Variants in FSTL4 observed in about 807,000 individuals in gnomAD.
FSTL4 encodes the protein follistatin-related protein 4.
FSTL4 carries 28 observed loss-of-function variants against 78.2 expected under a neutral mutation model. That is an observed-to-expected ratio of 0.36 (90% CI 0.27 to 0.49). The LOEUF (loss-of-function observed/expected upper bound fraction) is 0.49. FSTL4 is among the 20% of genes least tolerant of loss of function. The pLI, the probability that FSTL4 is intolerant of heterozygous loss-of-function variation, is 0.98. For missense variants in FSTL4, 922 were observed against 1,084.9 expected (o/e 0.85, Z 2.11); for synonymous variants, 422 against 440.5 (o/e 0.96, Z 0.53).
chr5:133,814,574 A>G, the FSTL4 span, among the ~76,000 whole-genome samples: 1 of 152,170 alleles, frequency 6.6e-6, no homozygotes, highest in Non-Finnish European at 1.5e-5. Flanking sequence ...CTGGAGAGAA[A>G]AGGTTCAGAT....
chr5:133,675,145 AT>A, the FSTL4 span, among the ~76,000 whole-genome samples: 1 of 152,100 alleles, frequency 6.6e-6, no homozygotes, highest in Non-Finnish European at 1.5e-5. Flanking sequence ...AGAAAATGGC[AT>A]TTAAGTAGAG....
chr5:133,340,617 C>T (rs1308213635), intron 4 of FSTL4, among the ~76,000 whole-genome samples: 5 of 152,120 alleles, frequency 3.3e-5, no homozygotes, highest in African/African-American at 1.2e-4. Flanking sequence ...CAGGAGAAGG[C>T]AGGAAGGCCA....
chr5:133,590,602 C>T (rs953631760), intron 2 of FSTL4, among the ~76,000 whole-genome samples: 1 of 152,110 alleles, frequency 6.6e-6, no homozygotes, highest in African/African-American at 2.4e-5. Context: ...AACCTCAAAG[C>T]AGCTGCACTA....
chr5:133,468,622 C>T (rs1292294205), intron 3 of FSTL4, among the ~76,000 whole-genome samples: 1 of 152,338 alleles, frequency 6.6e-6, no homozygotes, highest in Middle Eastern at 3.4e-3. Flanking sequence ...AGCAGCACCA[C>T]CATTCAGGCC....
At chr5:133,367,138 A>C (rs1343206836) in intron 4 of FSTL4, among the ~76,000 whole-genome samples, 1 of 152,068 alleles carries the variant, frequency 6.6e-6, no homozygotes, top group Non-Finnish European at 1.5e-5. Flanking sequence ...TCAGCTGGGG[A>C]CTAGGAAAGG....
At chr5:133,537,963 G>A (rs540412956) in intron 3 of FSTL4, among the ~76,000 whole-genome samples, 5 of 151,918 alleles carry the variant, frequency 3.3e-5, no homozygotes, top group Admixed American at 2.6e-4. Context: ...ACAAGCTAAA[G>A]CCCCATGTGC....
At chr5:133,345,887 T>C (rs1754688204) in intron 4 of FSTL4, among the ~76,000 whole-genome samples, 1 of 152,212 alleles carries the variant, frequency 6.6e-6, no homozygotes, top group Non-Finnish European at 1.5e-5. Flanking sequence ...ATCCCATTAC[T>C]GGGTATATAC....
At chr5:133,436,672 C>A (rs940794212) in intron 3 of FSTL4, among the ~76,000 whole-genome samples, 11 of 152,076 alleles carry the variant, frequency 7.2e-5, no homozygotes, top group African/African-American at 2.7e-4. Flanking sequence ...CTGAAGTCAT[C>A]CACGGTAGTA....
rs1459970783 is a variant in FSTL4 at position 133,199,233 on chromosome 5, G to A, written c.2391C>T (p.Asp797=). 1 of 1,613,666 alleles carries A rather than the reference G, an allele frequency of 6.2e-7. No homozygotes were observed. The stretch of plus-strand genomic sequence containing the variant: ...GGAGGTACTGTCCAAACAGCCCACT[G>A]TCCCTCATGATTCTGTGGGTACCCC... ...PWGGTHRIMR[D]SGLFGQYLLT... is the part of the protein sequence containing the mutation. The change falls in exon 16 of 16, where the codon GAC becomes GAT. Residue 797 remains aspartate (D), a synonymous_variant. Coordinates refer to ENST00000265342, the MANE Select transcript of FSTL4 (RefSeq NM_015082.2). The surrounding 1 kb of genome is among the most constrained non-coding windows in gnomAD (Gnocchi z 4.4).
the FSTL4 span, among the ~76,000 whole-genome samples, chr5:133,660,968 A>T: frequency 6.6e-6 from 1 of 151,946 alleles, no homozygotes; most frequent in South Asian, 2.1e-4. Flanking sequence ...GAGACAGCCA[A>T]CTGTGTTCAA....
the FSTL4 span, among the ~76,000 whole-genome samples, chr5:133,726,301 G>A: frequency 3.3e-5 from 5 of 152,230 alleles, no homozygotes; most frequent in Admixed American, 6.5e-5. Context: ...CAGCTATGCC[G>A]AACATTTATA....
intron 14 of FSTL4, among the ~76,000 whole-genome samples, chr5:133,203,495 A>G (rs1383343989): frequency 6.6e-6 from 1 of 152,144 alleles, no homozygotes; most frequent in South Asian, 2.1e-4. Flanking sequence ...GTCAGCAGGC[A>G]GAGTGCTGGG....
At chr5:133,621,567 T>C in the FSTL4 span, among the ~76,000 whole-genome samples, 1 of 152,030 alleles carries the variant, frequency 6.6e-6, no homozygotes, top group Non-Finnish European at 1.5e-5. Flanking sequence ...CACAAAGGCA[T>C]GAGAATGATA....
At chr5:133,756,498 T>A in the FSTL4 span, among the ~76,000 whole-genome samples, 2 of 151,908 alleles carry the variant, frequency 1.3e-5, no homozygotes, top group Middle Eastern at 3.2e-3. Flanking sequence ...TGCATAGCCT[T>A]TTGGTCAGAG....
intron 4 of FSTL4, among the ~76,000 whole-genome samples, chr5:133,328,873 TCTAA>T (rs1421092364): frequency 6.6e-6 from 1 of 152,168 alleles, no homozygotes; most frequent in Non-Finnish European, 1.5e-5. Flanking sequence ...CTCCCAAACA[TCTAA>T]CTAAGGGGAA....
the FSTL4 span, among the ~76,000 whole-genome samples, chr5:133,694,027 T>C: frequency 3.3e-5 from 5 of 152,238 alleles, no homozygotes; most frequent in African/African-American, 2.4e-5. Context: ...TCTCTAGGTA[T>C]TACTCAATCC....
chr5:133,704,915 G>GA, the FSTL4 span, among the ~76,000 whole-genome samples: 1 of 152,236 alleles, frequency 6.6e-6, no homozygotes, highest in African/African-American at 2.4e-5. Flanking sequence ...ATGGAAACAT[G>GA]AAAACGCATT....
At chr5:133,576,195 G>A (rs1375483036) in intron 2 of FSTL4, among the ~76,000 whole-genome samples, 2 of 152,202 alleles carry the variant, frequency 1.3e-5, no homozygotes, top group Non-Finnish European at 2.9e-5. Context: ...GCTGCTGAAA[G>A]AGTATAAATG....
At chr5:133,819,401 G>T in the FSTL4 span, among the ~76,000 whole-genome samples, 1 of 152,116 alleles carries the variant, frequency 6.6e-6, no homozygotes, top group Non-Finnish European at 1.5e-5. Flanking sequence ...CCTCCACTCT[G>T]CTCAGTGGCT....
Sources: allele counts gnomAD v4.1 joint callset (sites outside exome capture counted in the v4.1 genomes callset), GRCh38; gene constraint gnomAD v4.1.1; non-coding constraint Gnocchi (gnomAD v3.1); transcripts MANE v1.5; gene names NCBI Gene and HGNC (gene_info 2026-07-23, HGNC 2026-07-21).